The following PAN2 variants were observed in gnomAD, a reference collection of about 807,000 sequenced individuals.
PAN2 encodes PAN2-PAN3 deadenylation complex catalytic subunit PAN2.
In PAN2, 68 loss-of-function variants were observed where a neutral mutation model predicts 133.3. The ratio of observed to expected loss-of-function variants is 0.51; its 90% CI spans 0.42 to 0.62. PAN2 has a LOEUF of 0.62. PAN2 is among the 20% of genes least tolerant of loss of function. PAN2 has a pLI of 0.00. For synonymous variants in PAN2, 462 were observed against 544.6 expected (o/e 0.85, Z 2.11); for missense variants, 1,042 against 1,500.5 (o/e 0.69, Z 5.05).
intron 2 of PAN2, among the ~76,000 whole-genome samples, chr12:56,330,652 C>T (rs370584777): frequency 2.2e-4 from 33 of 152,114 alleles, no homozygotes; most frequent in African/African-American, 7.2e-4. Context: ...AGCCACCGCG[C>T]CCGGCCTGTA....
In PAN2 at chr12:56,317,394, T is replaced by C. The variant is rs1874035650; in HGVS notation, c.*215A>G. The C allele has an allele frequency of 3.4e-6, 2 of 592,194 alleles. No individual in the cohort carries two copies. Among genetic ancestry groups the C allele is most frequent in the Non-Finnish European group, 6.1e-6 (2 of 328,466 alleles). 36.7% of individuals were successfully genotyped at this position (592,194 alleles called of 1,614,324 possible). A position where few individuals can be genotyped will look rare whatever the true frequency, so the allele number is the denominator to read the frequency against. On this transcript the variant is annotated 3_prime_UTR_variant, in exon 26 of 26. Transcript: ENST00000440411. Reference sequence around the variant, plus strand: ...AGACTCCATGTCTGTACCACTGTTTTGCAAAGAATGAAGAAGGAATGAATC... The same window carrying C: ...AGACTCCATGTCTGTACCACTGTTTCGCAAAGAATGAAGAAGGAATGAATC...
chr12:56,320,142 G>A, intron 20 of PAN2, 121 bp from the exon 21 acceptor site: 8 of 870,126 alleles, frequency 9.2e-6, no homozygotes, highest in South Asian at 4.9e-5. Flanking sequence ...ATCAAAGCAC[G>A]TGAGAAAAAA....
intron 10 of PAN2, 80 bp from the exon 11 acceptor site, chr12:56,324,789 G>A: frequency 1.3e-6 from 2 of 1,525,902 alleles, no homozygotes; most frequent in Non-Finnish European, 8.8e-7. Context: ...TGAGCTGGTG[G>A]AGAAAATGTC....
At position 56,322,451 on chromosome 12, in the gene PAN2, T is replaced by C. The variant is rs1312591669; in HGVS notation, c.2669A>G (p.Asn890Ser). 4 of 1,613,842 alleles carry C rather than the reference T, an allele frequency of 2.5e-6. No homozygotes were observed. The highest frequency in any genetic ancestry group is 1.1e-5 in the South Asian group (1 of 91,076). The change falls in exon 19 of 26, where the codon AAT (asparagine) becomes AGT (serine). Residue 890 changes from asparagine (N) to serine (S), a missense_variant. Around this residue, in one of 3 missense-constraint regions of PAN2, gnomAD observed 908 missense variants for 1,223.5 expected, o/e 0.74. Transcript: ENST00000440411. Reference protein sequence around the residue: ...GVTHQQWYLFNDFLIEPIDKH... With the variant: ...GVTHQQWYLFSDFLIEPIDKH... ...ATCAATAGGTTCAATAAGAAAGTCA[T>C]TGAACAGATACCACTGCTGGTGAGT...
In PAN2 at chr12:56,322,532, C is replaced by G. The variant is rs1874674960; in HGVS notation, c.2638-50G>C. On this transcript the variant is annotated intron_variant, in intron 18 of 25. Coordinates refer to ENST00000440411, the MANE Select transcript of PAN2 (RefSeq NM_014871.6). Reference sequence around the variant, plus strand: ...TGGCGATACAAATTGATGGCTGGACCACTCTGTCTCAGACTCAAGGACAGA... The same window carrying G: ...TGGCGATACAAATTGATGGCTGGACGACTCTGTCTCAGACTCAAGGACAGA... The G allele has an allele frequency of 2.5e-6, 4 of 1,608,438 alleles. No individual in the cohort carries two copies. In the South Asian group the frequency reaches 4.4e-5, roughly 18 times the overall value.
chr12:56,319,889 T>G lies in PAN2; in HGVS notation c.2921A>C (p.Asp974Ala). The change falls in exon 21 of 26, where the codon GAT becomes GCT. Residue 974 changes from aspartate to alanine, a missense_variant. Coordinates refer to ENST00000440411, the MANE Select transcript of PAN2 (RefSeq NM_014871.6). This position sits in a 1 kb window ranked among gnomAD's most constrained non-coding sequence, Gnocchi z 5.4. Reference protein sequence around the residue: ...MPQIGDLVGLDAEFVTLNEEE... With the variant: ...MPQIGDLVGLAAEFVTLNEEE... Reference sequence around the variant, plus strand: ...CTCATTAAGGGTGACAAACTCAGCATCCAGACCCACCAGGTCCCCAATCTG... The same window carrying G: ...CTCATTAAGGGTGACAAACTCAGCAGCCAGACCCACCAGGTCCCCAATCTG... 1 of 1,614,244 alleles carries G rather than the reference T, an allele frequency of 6.2e-7. No individual in the cohort carries two copies. Among genetic ancestry groups the G allele is most frequent in the Non-Finnish European group, 8.5e-7 (1 of 1,180,034 alleles).
rs117027379 is a variant in PAN2 at position 56,324,597 on chromosome 12, C to T, written c.1712G>A (p.Arg571His). ...AGTACTGACCTGGCAAGGGTCACCA[C>T]GAGAGAGGTCCAACATGTGAAACAG... ...GFLFHMLDLS[R>H]GDPCQGNNFL... is the part of the protein sequence containing the mutation. Residue 571 changes from arginine to histidine, a missense_variant, in exon 11 of 26, where the codon CGT becomes CAT. By Grantham distance (29) the Arg-to-His change is conservative (BLOSUM62 0). Transcript: ENST00000440411. 6,924 of 1,613,994 alleles carry T rather than the reference C, an allele frequency of 4.3e-3. 18 individuals are homozygous for T. The highest frequency in any genetic ancestry group is 5.0e-3 in the Non-Finnish European group (5,932 of 1,179,924).
chr12:56,332,861 G>A lies in PAN2; in HGVS notation c.234C>T (p.Val78=), dbSNP rs1469157199. Residue 78 remains valine, a synonymous_variant, in exon 2 of 26, where the codon GTC becomes GTT. Transcript: ENST00000440411. ...VVAEVGVPVS[V]SHFDLHEEML... is the part of the protein sequence containing the mutation. Reference sequence around the variant, plus strand: ...TCTCCTCGTGCAAGTCAAAGTGGGAGACGGAAACAGGTACACCCACTTCAG... The same window carrying A: ...TCTCCTCGTGCAAGTCAAAGTGGGAAACGGAAACAGGTACACCCACTTCAG... 1 of 1,614,208 alleles carries A rather than the reference G, an allele frequency of 6.2e-7. No individual in the cohort carries two copies. The highest frequency in any genetic ancestry group is 1.1e-5 in the South Asian group (1 of 91,082).
In PAN2 at chr12:56,330,324, C is replaced by T. The variant is rs942932397; in HGVS notation, c.283-1683G>A. On this transcript the variant is annotated intron_variant, in intron 2 of 25. Transcript: ENST00000440411. The stretch of plus-strand genomic sequence containing the variant: ...TAGCAACATTTCCCACCCTTCATTA[C>T]CTCAACCCCCTTACTCAACTGTATT... Among the ~76,000 whole-genome samples the T allele has an allele frequency of 3.3e-5, 5 of 151,638 alleles. No individual in the cohort carries two copies. The East Asian group carries it at 9.7e-4, about 29-fold the overall frequency.
At chr12:56,320,800 C>T (rs1329372766) in intron 20 of PAN2, among the ~76,000 whole-genome samples, 1 of 138,476 alleles carries the variant, frequency 7.2e-6, no homozygotes, top group African/African-American at 2.8e-5. Flanking sequence ...CACTGTGGCT[C>T]ACGCCTGTAA....
At chr12:56,322,522 A>G in intron 18 of PAN2, 40 bp from the exon 19 acceptor site, 2 of 1,610,860 alleles carry the variant, frequency 1.2e-6, no homozygotes, top group Non-Finnish European at 1.7e-6. Flanking sequence ...ATACAAATTG[A>G]TGGCTGGACC....
intron 2 of PAN2, among the ~76,000 whole-genome samples, chr12:56,330,570 G>A (rs1176759270): frequency 1.3e-5 from 2 of 150,806 alleles, no homozygotes; most frequent in African/African-American, 2.4e-5. Flanking sequence ...CGTTTTAGCC[G>A]GGATGGTCTC....
In PAN2 at chr12:56,324,458, A is replaced by G; in HGVS notation, c.1764T>C (p.Pro588=). 2 of 1,614,234 alleles carry G rather than the reference A, an allele frequency of 1.2e-6. No individual in the cohort carries two copies. Among genetic ancestry groups the G allele is most frequent in the Non-Finnish European group, 1.7e-6 (2 of 1,180,042 alleles). The change falls in exon 12 of 26, where the codon CCT becomes CCC. Residue 588 remains proline (P), a synonymous_variant. Coordinates refer to ENST00000440411, the MANE Select transcript of PAN2 (RefSeq NM_014871.6). The part of the protein sequence containing the change: ...NNFLRAFRTI[P]EASALGLILA... ...GGATTAGACCGAGGGCTGAGGCCTC[A>G]GGAATAGTACGGAATGCCCGAAGAA... is the stretch of plus-strand genomic sequence containing the variant.
At chr12:56,328,670 T>G in intron 2 of PAN2, 29 bp from the exon 3 acceptor site, 1 of 1,604,870 alleles carries the variant, frequency 6.2e-7, no homozygotes, top group Non-Finnish European at 8.5e-7. Flanking sequence ...ACAGAGACAC[T>G]TAGAGTGGAG....
rs1456601581 is a variant in PAN2, at chr12:56,318,261, G to C, written c.3538C>G (p.Pro1180Ala). 2 of 1,613,926 alleles carry C rather than the reference G, an allele frequency of 1.2e-6. No individual in the cohort carries two copies. The highest frequency in any genetic ancestry group is 2.7e-5 in the African/African-American group (2 of 74,900). ...GRKMDWKVPEPEGQTSPKNAA... is the reference protein window; with the variant it reads ...GRKMDWKVPEAEGQTSPKNAA... The stretch of plus-strand genomic sequence containing the variant: ...CTCTTGGGACTTGTTTGGCCCTCAG[G>C]CTCAGGCACCTTCCAGTCCATCTTT... Residue 1180 changes from proline to alanine, a missense_variant, in exon 25 of 26, where the codon CCT becomes GCT. Pro to Ala is a conservative substitution (Grantham distance 27). Around this residue, in one of 3 missense-constraint regions of PAN2, gnomAD observed 85 missense variants for 116.5 expected, o/e 0.73. Coordinates refer to ENST00000440411, the MANE Select transcript of PAN2 (RefSeq NM_014871.6).
At chr12:56,333,232 A>G (rs1001466331) in intron 1 of PAN2, 24 bp from the exon 2 acceptor site, 4 of 844,108 alleles carry the variant, frequency 4.7e-6, no homozygotes, top group Non-Finnish European at 7.4e-6. Context: ...GAGGTAGCTG[A>G]GTCAAGGGTA....
At position 56,328,515 on chromosome 12, in the gene PAN2, G is replaced by A. The variant is rs1392331561; in HGVS notation, c.409C>T (p.Leu137Phe). The A allele has an allele frequency of 6.2e-7, 1 of 1,614,242 alleles. No individual in the cohort carries two copies. Among genetic ancestry groups the A allele is most frequent in the East Asian group, 2.2e-5 (1 of 44,890 alleles). ...NGILFLTKNN[L>F]KYMARGGLII... is the part of the protein sequence containing the mutation. ...AGGCCCCCACGGGCCATATACTTGAGGTTGTTCTTGGTGAGAAAAAGGATA... is the reference window on the plus strand; with the variant it reads ...AGGCCCCCACGGGCCATATACTTGAAGTTGTTCTTGGTGAGAAAAAGGATA... The change falls in exon 3 of 26, where the codon CTC becomes TTC. Residue 137 changes from leucine (L) to phenylalanine (F), a missense_variant. Leu to Phe is a conservative substitution (Grantham distance 22, BLOSUM62 0). Coordinates refer to ENST00000440411, the MANE Select transcript of PAN2 (RefSeq NM_014871.6).
At position 56,324,506 on chromosome 12, in the gene PAN2, T is replaced by C. The variant is rs1309162468; in HGVS notation, c.1729-13A>G. The stretch of plus-strand genomic sequence containing the variant: ...GAAAATTATTGCCCTGGAAATGTGT[T>C]GGTGGAAAGGGGTTATTTTGTCTTT... On this transcript the variant is annotated splice_polypyrimidine_tract_variant and intron_variant, in intron 11 of 25. Coordinates refer to ENST00000440411, the MANE Select transcript of PAN2 (RefSeq NM_014871.6). The C allele has an allele frequency of 1.3e-5, 21 of 1,612,962 alleles. 1 individual carries two copies. In the Admixed American group the frequency reaches 3.5e-4, roughly 27 times the overall value.
chr12:56,327,497 G>A lies in PAN2; in HGVS notation c.786C>T (p.Ala262=). 1 of 1,614,262 alleles carries A rather than the reference G, an allele frequency of 6.2e-7. No homozygotes were observed. The highest frequency in any genetic ancestry group is 8.5e-7 in the Non-Finnish European group (1 of 1,180,056). The change falls in exon 6 of 26, where the codon GCC becomes GCT. Residue 262 remains alanine, a synonymous_variant. Coordinates refer to ENST00000440411, the MANE Select transcript of PAN2 (RefSeq NM_014871.6). ...CATACACCTTGAGGAAACGGTCGCA[G>A]GCCAGGCCAGTGAGGCGGCTGGAGA... ...CGFSSRLTGL[A]CDRFLKVYDL... is the part of the protein sequence containing the mutation.
Sources: allele counts gnomAD v4.1 joint callset (sites outside exome capture counted in the v4.1 genomes callset), GRCh38; gene constraint gnomAD v4.1.1; regional missense constraint gnomAD v4.1.1; non-coding constraint Gnocchi (gnomAD v3.1); transcripts MANE v1.5; gene names NCBI Gene and HGNC (gene_info 2026-07-23, HGNC 2026-07-21).